The following DYNC2H1 variants were observed in gnomAD, a reference collection of about 807,000 sequenced individuals.
The protein encoded by DYNC2H1 is dynein cytoplasmic 2 heavy chain 1.
DYNC2H1 carries 410 observed loss-of-function variants against 570.0 expected under a neutral mutation model. The observed-to-expected ratio is 0.72, with a 90% CI of 0.66 to 0.78. DYNC2H1 has a LOEUF of 0.78. Ranked by LOEUF, DYNC2H1 falls within the 30% of genes least tolerant of loss-of-function variation. The probability of loss-of-function intolerance (pLI) is 0.00; values close to 1 mark genes in which losing one functional copy is unlikely to be tolerated. For missense variants in DYNC2H1, 4,865 were observed against 5,046.4 expected (o/e 0.96, Z 1.09); for synonymous variants, 1,688 against 1,677.6 (o/e 1.01, Z -0.15).
intron 17 of DYNC2H1, among the ~76,000 whole-genome samples, chr11:103,140,785 T>C (rs572857431): frequency 9.2e-5 from 14 of 152,352 alleles, no homozygotes; most frequent in African/African-American, 3.1e-4. Flanking sequence ...TCCTGGATAA[T>C]ATCCTGCAGA....
rs1867223069 is a variant in DYNC2H1, at chr11:103,305,094, C to G, written c.11382+374C>G. Among the ~76,000 whole-genome samples the G allele has an allele frequency of 6.6e-6, 1 of 152,026 alleles. No individual in the cohort carries two copies. The highest frequency in any genetic ancestry group is 2.4e-5 in the African/African-American group (1 of 41,376). ...CCTAACTTCCTAGGTGCTAAGGAAG[C>G]TAGAGAATAAACTGAAGCAAATGTT... On this transcript the variant is annotated intron_variant, in intron 77 of 88. Coordinates refer to ENST00000375735, the MANE Select transcript of DYNC2H1 (RefSeq NM_001377.3). The surrounding 1 kb of genome is among the most constrained non-coding windows in gnomAD (Gnocchi z 4.3).
intron 52 of DYNC2H1, among the ~76,000 whole-genome samples, chr11:103,208,295 A>G (rs971355859): frequency 6.6e-6 from 1 of 152,114 alleles, no homozygotes; most frequent in Non-Finnish European, 1.5e-5. Flanking sequence ...CAGTGAGCCA[A>G]GAGCTAAAAT....
chr11:103,321,883 C>T (rs146449349), intron 81 of DYNC2H1, among the ~76,000 whole-genome samples: 2 of 152,130 alleles, frequency 1.3e-5, no homozygotes, highest in Non-Finnish European at 2.9e-5. Flanking sequence ...TATTAGAGTA[C>T]TATAATTATA....
chr11:103,306,372 C>T (rs1171207117), intron 77 of DYNC2H1, among the ~76,000 whole-genome samples: 1 of 152,076 alleles, frequency 6.6e-6, no homozygotes, highest in East Asian at 1.9e-4. Context: ...AGAAACAGTA[C>T]ATAATATTAT....
rs747391907 is a variant in DYNC2H1, at chr11:103,194,705, AT to A, written c.7708+2446del. 1.7e-4 allele frequency among the ~76,000 whole-genome samples: 25 copies of A among 150,832 alleles called. 1 individual carries two copies. The highest frequency in any genetic ancestry group is 8.4e-4 in the South Asian group (4 of 4,784). Reference sequence around the variant, plus strand: ...TGGAATGTCTTCATTTCTTTTATCCATTTTTCCAATCAAATTTTTTTTTTTA... The same window carrying A: ...TGGAATGTCTTCATTTCTTTTATCCATTTTCCAATCAAATTTTTTTTTTTA... On this transcript the variant is annotated intron_variant, in intron 47 of 88. Transcript: ENST00000375735.
In DYNC2H1 at chr11:103,255,410, C is replaced by G; in HGVS notation, c.10207-5C>G. ...AGAATTACCTTGTCTTTTTGTTATC[C>G]CAAGCTTTTAGCTTTAACCATTCAG... is the stretch of plus-strand genomic sequence containing the variant. On this transcript the variant is annotated splice_polypyrimidine_tract_variant and splice_region_variant and intron_variant, in intron 66 of 88. Transcript: ENST00000375735. 6.5e-7 allele frequency: 1 copy of G among 1,549,864 alleles called. No homozygotes were observed. Among genetic ancestry groups the G allele is most frequent in the East Asian group, 2.4e-5 (1 of 41,458 alleles).
intron 70 of DYNC2H1, among the ~76,000 whole-genome samples, chr11:103,267,182 G>A (rs968615515): frequency 6.6e-6 from 1 of 151,988 alleles, no homozygotes; most frequent in South Asian, 2.1e-4. Flanking sequence ...GAGCCACTGA[G>A]GGCCAGGAAC....
chr11:103,340,947 G>T lies in DYNC2H1; in HGVS notation c.12039+16957G>T, dbSNP rs7951350. ...AAGAAAGCTTATAATAGTTACAAAG[G>T]TTAGAGATTTAAAACTCCAAGCAGA... On this transcript the variant is annotated intron_variant, in intron 82 of 88. Transcript: ENST00000375735. Among the ~76,000 whole-genome samples the T allele has an allele frequency of 1.5e-4, 23 of 152,028 alleles. No individual in the cohort carries two copies. The East Asian group carries it at 4.5e-3, about 29-fold the overall frequency.
At chr11:103,310,696 TTTGG>T (rs745856330) in intron 78 of DYNC2H1, among the ~76,000 whole-genome samples, 22,286 of 118,076 alleles carry the variant, frequency 0.19, 1,949 homozygotes, top group Admixed American at 0.27. Flanking sequence ...TTTTTTTTTT[TTTGG>T]GAGACTGAGT....
chr11:103,297,414 G>A, intron 75 of DYNC2H1, among the ~76,000 whole-genome samples: 1 of 152,144 alleles, frequency 6.6e-6, no homozygotes, highest in South Asian at 2.1e-4. Flanking sequence ...TTTAACAGTG[G>A]GGATGCATTC....
chr11:103,187,221 TATC>T (rs1862106464), intron 42 of DYNC2H1, 116 bp from the exon 43 acceptor site: 3 of 1,375,034 alleles, frequency 2.2e-6, no homozygotes, highest in Non-Finnish European at 2.9e-6. Flanking sequence ...CCATTTTTCC[TATC>T]ATCATATACA....
intron 52 of DYNC2H1, among the ~76,000 whole-genome samples, chr11:103,208,156 T>G (rs2931803): frequency 0.93 from 141,663 of 152,192 alleles, 65,955 homozygotes; most frequent in African/African-American, 0.94. Context: ...TGACAAAAGG[T>G]TGGTGGCTAA....
intron 87 of DYNC2H1, among the ~76,000 whole-genome samples, chr11:103,460,557 T>A (rs1264350610): frequency 2.7e-5 from 4 of 147,038 alleles, no homozygotes; most frequent in African/African-American, 1.0e-4. Context: ...CTATGTGACA[T>A]TTTTAAGCAA....
chr11:103,279,658 A>G (rs1467548310), intron 70 of DYNC2H1, among the ~76,000 whole-genome samples: 2 of 124,940 alleles, frequency 1.6e-5, no homozygotes, highest in African/African-American at 6.4e-5. Flanking sequence ...CTCTCATTCT[A>G]TGTGATTGGT....
intron 79 of DYNC2H1, among the ~76,000 whole-genome samples, chr11:103,312,396 A>AG (rs1867634244): frequency 6.7e-6 from 1 of 148,656 alleles, no homozygotes; most frequent in Non-Finnish European, 1.5e-5. Flanking sequence ...AAAAAAAAAA[A>AG]AAAAAAGTAG....
rs313407 is a variant in DYNC2H1, at chr11:103,321,310, T to C, written c.11934+73T>C. 620,197 of 1,260,780 alleles carry C rather than the reference T, an allele frequency of 0.49. 156,886 individuals carry two copies. The highest frequency in any genetic ancestry group is 0.62 in the Admixed American group (31,527 of 50,594). The allele number at this position is 1,260,780 out of a possible 1,614,324, so 78.1% of individuals were successfully genotyped here. A position where few individuals can be genotyped will look rare whatever the true frequency, so the allele number is the denominator to read the frequency against. On this transcript the variant is annotated intron_variant, in intron 81 of 88. Transcript: ENST00000375735. ...ATCATTTCTTACATTGTTAAATACA[T>C]GTTACTTCTTTTCAAATGCACAAGT...
In DYNC2H1 at chr11:103,343,331, C is replaced by T. The variant is rs575853229; in HGVS notation, c.12040-14912C>T. Among the ~76,000 whole-genome samples the T allele has an allele frequency of 3.9e-5, 6 of 152,276 alleles. No homozygotes were observed. The South Asian group carries it at 1.0e-3, about 26-fold the overall frequency. ...AACGCCTGTCAGACAAACTTCCTCC[C>T]ACCTCTCTTCTCCAAGGCTAGTCTC... is the stretch of plus-strand genomic sequence containing the variant. On this transcript the variant is annotated intron_variant, in intron 82 of 88. Transcript: ENST00000375735.
chr11:103,375,060 C>A (rs935181507), intron 83 of DYNC2H1, among the ~76,000 whole-genome samples: 1 of 152,176 alleles, frequency 6.6e-6, no homozygotes, highest in Non-Finnish European at 1.5e-5. Context: ...TGTGTGCAGC[C>A]TTGGGACTTG....
chr11:103,144,856 G>A (rs1052295921), intron 18 of DYNC2H1, among the ~76,000 whole-genome samples: 1 of 148,092 alleles, frequency 6.8e-6, no homozygotes, highest in Non-Finnish European at 1.5e-5. Context: ...CAGTCATCCA[G>A]AAGACCAGTA....
Sources: allele counts gnomAD v4.1 joint callset (sites outside exome capture counted in the v4.1 genomes callset), GRCh38; gene constraint gnomAD v4.1.1; non-coding constraint Gnocchi (gnomAD v3.1); transcripts MANE v1.5; gene names NCBI Gene and HGNC (gene_info 2026-07-23, HGNC 2026-07-21).